Variants in CRB1 observed in about 807,000 individuals in gnomAD.
The protein encoded by CRB1 is protein crumbs homolog 1.
In CRB1, 83 loss-of-function variants were observed where a neutral mutation model predicts 120.0. The ratio of observed to expected loss-of-function variants is 0.69; its 90% CI spans 0.58 to 0.83. The LOEUF (loss-of-function observed/expected upper bound fraction) is 0.83, where lower values mean the gene tolerates loss of function less well. Ranked by LOEUF, CRB1 falls within the 40% of genes least tolerant of loss-of-function variation. CRB1 has a pLI of 0.00. For synonymous variants in CRB1, 625 were observed against 612.5 expected, an observed-to-expected ratio of 1.02 and a Z score of -0.30; for missense variants, 1,699 against 1,687.6, an observed-to-expected ratio of 1.01 and a Z score of -0.12.
chr1:197,257,422 C>T, the CRB1 span, among the ~76,000 whole-genome samples: 1 of 152,136 alleles, frequency 6.6e-6, no homozygotes, highest in Non-Finnish European at 1.5e-5. Context: ...TTAGCCAGGT[C>T]AAGTTGACAC....
At chr1:197,383,203 G>T (rs1662044842) in intron 5 of CRB1, among the ~76,000 whole-genome samples, 1 of 151,978 alleles carries the variant, frequency 6.6e-6, no homozygotes, top group African/African-American at 2.4e-5. Context: ...GGATCTTTTA[G>T]TCAAAACACA....
chr1:197,470,265 A>T (rs992716952), intron 11 of CRB1, among the ~76,000 whole-genome samples: 3 of 151,954 alleles, frequency 2.0e-5, no homozygotes, highest in African/African-American at 4.8e-5. Flanking sequence ...ACACACAAAA[A>T]CTCTATAGAC....
intron 4 of CRB1, among the ~76,000 whole-genome samples, chr1:197,353,863 A>G (rs1660259309): frequency 1.3e-5 from 2 of 149,822 alleles, no homozygotes; most frequent in Admixed American, 6.6e-5. Context: ...TTACCACGTT[A>G]CAAAACACTT....
chr1:197,212,634 A>G, the CRB1 span, among the ~76,000 whole-genome samples: 1 of 152,182 alleles, frequency 6.6e-6, no homozygotes, highest in Non-Finnish European at 1.5e-5. Context: ...ATAAATTACA[A>G]AAGGGCACAA....
chr1:197,275,560 A>G (rs1280416808), intron 1 of CRB1, among the ~76,000 whole-genome samples: 1 of 151,976 alleles, frequency 6.6e-6, no homozygotes, highest in Non-Finnish European at 1.5e-5. Flanking sequence ...CACTGTCCCT[A>G]CCTTTTACAT....
chr1:197,355,745 G>T (rs569991642), intron 4 of CRB1, among the ~76,000 whole-genome samples: 2 of 151,996 alleles, frequency 1.3e-5, no homozygotes, highest in Admixed American at 6.5e-5. Flanking sequence ...GCAAGCGCCC[G>T]TGCAGCCTCG....
chr1:197,293,838 G>T (rs1656350035), intron 1 of CRB1, among the ~76,000 whole-genome samples: 1 of 152,138 alleles, frequency 6.6e-6, no homozygotes, highest in Non-Finnish European at 1.5e-5. Context: ...CACAAATGGT[G>T]CTGGAAAAAC....
intron 2 of CRB1, among the ~76,000 whole-genome samples, chr1:197,331,009 C>T (rs1019124448): frequency 5.3e-5 from 8 of 151,976 alleles, no homozygotes; most frequent in African/African-American, 1.5e-4. Flanking sequence ...TGTGAAATCC[C>T]GTCTCTACTA....
chr1:197,478,139 G>T lies in CRB1; in HGVS notation c.*260G>T. 2.0e-6 allele frequency: 1 copy of T among 488,088 alleles called. No individual in the cohort carries two copies. Among genetic ancestry groups the T allele is most frequent in the Admixed American group, 3.4e-5 (1 of 29,748 alleles). The allele number at this position is 488,088 out of a possible 1,614,324, so 30.2% of individuals were successfully genotyped here. ...ATAATTAGCAAAAACATCTTCCAGA[G>T]AATAAAGTCTTCTGTGGCTTTAGTG... is the stretch of plus-strand genomic sequence containing the variant. On this transcript the variant is annotated 3_prime_UTR_variant, in exon 12 of 12. Coordinates refer to ENST00000367400, the MANE Select transcript of CRB1 (RefSeq NM_201253.3).
chr1:197,445,446 C>A (rs1256878564), intron 11 of CRB1, among the ~76,000 whole-genome samples: 1 of 152,098 alleles, frequency 6.6e-6, no homozygotes, highest in Non-Finnish European at 1.5e-5. Flanking sequence ...CAATTAACAC[C>A]ACTGAGGACT....
chr1:197,231,933 C>T, the CRB1 span, among the ~76,000 whole-genome samples: 7 of 152,012 alleles, frequency 4.6e-5, no homozygotes, highest in Non-Finnish European at 7.3e-5. Context: ...GAATGTGTAA[C>T]CTTCATAGTT....
intron 1 of CRB1, among the ~76,000 whole-genome samples, chr1:197,300,789 C>T (rs1656818716): frequency 6.6e-6 from 1 of 152,162 alleles, no homozygotes; most frequent in Admixed American, 6.5e-5. Context: ...TGATGCCTGG[C>T]TTCACAGTTT....
intron 7 of CRB1, among the ~76,000 whole-genome samples, chr1:197,428,233 C>A (rs1664698581): frequency 6.6e-6 from 1 of 152,140 alleles, no homozygotes; most frequent in South Asian, 2.1e-4. Flanking sequence ...ACCAAAGTAA[C>A]TTCGGCTATA....
chr1:197,383,590 G>A (rs985745849), intron 5 of CRB1, among the ~76,000 whole-genome samples: 3 of 152,198 alleles, frequency 2.0e-5, no homozygotes, highest in African/African-American at 4.8e-5. Context: ...TGAAAGAAAT[G>A]TCTTTTGACA....
At chr1:197,247,551 G>C in the CRB1 span, among the ~76,000 whole-genome samples, 1 of 151,924 alleles carries the variant, frequency 6.6e-6, no homozygotes, top group Non-Finnish European at 1.5e-5. Flanking sequence ...TCATTAGTAA[G>C]AAGGTACAGA....
chr1:197,380,534 A>T lies in CRB1; in HGVS notation c.1171+23521A>T, dbSNP rs191514104. ...TCAGTGAATTCGTTCCAGTGAAAAGATTTGAACAGCTTACACAAATAGGTA... is the reference window on the plus strand; with the variant it reads ...TCAGTGAATTCGTTCCAGTGAAAAGTTTTGAACAGCTTACACAAATAGGTA... On this transcript the variant is annotated intron_variant, in intron 5 of 11. Transcript: ENST00000367400. Among the ~76,000 whole-genome samples the T allele has an allele frequency of 1.5e-3, 236 of 152,284 alleles. 3 individuals are homozygous for T. The highest frequency in any genetic ancestry group is 1.4e-3 in the Non-Finnish European group (98 of 68,024).
chr1:197,227,858 G>A, the CRB1 span, among the ~76,000 whole-genome samples: 13 of 152,264 alleles, frequency 8.5e-5, no homozygotes, highest in East Asian at 1.7e-3. Flanking sequence ...AGGCATTTCC[G>A]TACATCTTCT....
At chr1:197,470,267 TC>T (rs745410413) in intron 11 of CRB1, among the ~76,000 whole-genome samples, 1 of 152,076 alleles carries the variant, frequency 6.6e-6, no homozygotes, top group African/African-American at 2.4e-5. Flanking sequence ...ACACAAAAAC[TC>T]TATAGACTTC....
chr1:197,397,722 T>C (rs1225771110), intron 5 of CRB1, among the ~76,000 whole-genome samples: 1 of 152,110 alleles, frequency 6.6e-6, no homozygotes, highest in Non-Finnish European at 1.5e-5. Flanking sequence ...AGGCTATATA[T>C]TGTATGACTC....
Sources: allele counts gnomAD v4.1 joint callset (sites outside exome capture counted in the v4.1 genomes callset), GRCh38; gene constraint gnomAD v4.1.1; transcripts MANE v1.5; gene names NCBI Gene and HGNC (gene_info 2026-07-23, HGNC 2026-07-21).